PCM1: variants seen among roughly 807,000 people sequenced by gnomAD.
PCM1 encodes pericentriolar material 1 protein.
PCM1 carries 157 observed loss-of-function variants against 241.9 expected under a neutral mutation model. That is an observed-to-expected ratio of 0.65 (90% CI 0.57 to 0.74). The LOEUF is 0.74. PCM1 is among the 30% of genes least tolerant of loss of function. PCM1 has a pLI of 0.00. For missense variants in PCM1, 3,478 were observed against 2,360.1 expected, an observed-to-expected ratio of 1.47 and a Z score of -9.81; for synonymous variants, 1,085 against 784.9, an observed-to-expected ratio of 1.38 and a Z score of -6.39.
Position 17,937,286 on chromosome 8 carries a change from C to G in PCM1, c.249C>G (p.Phe83Leu). The G allele has an allele frequency of 6.2e-7, 1 of 1,609,438 alleles. No individual in the cohort carries two copies. Among genetic ancestry groups the G allele is most frequent in the Admixed American group, 1.7e-5 (1 of 59,694 alleles). The change falls in exon 4 of 39, where the codon TTC (phenylalanine) becomes TTG (leucine). Residue 83 changes from phenylalanine to leucine, a missense_variant. By Grantham distance (22) the Phe-to-Leu change is conservative. Coordinates refer to ENST00000325083, the MANE Select transcript of PCM1 (RefSeq NM_006197.4). ...GAAGAACAAAGACTCCACATACGTT[C>G]CCACACAGTAGATACATGAGTCAGA... ...GRRRTKTPHT[F>L]PHSRYMSQMS... is the part of the protein sequence containing the mutation.
chr8:17,968,228 G>T (rs375917322), intron 21 of PCM1, among the ~76,000 whole-genome samples: 151 of 152,296 alleles, frequency 9.9e-4, no homozygotes, highest in African/African-American at 3.5e-3. Flanking sequence ...TTTAGGGGAA[G>T]AGTAATTGAT....
At chr8:17,960,213 C>A (rs761226310) in intron 14 of PCM1, 48 bp downstream of exon 14, 2 of 1,551,766 alleles carry the variant, frequency 1.3e-6, no homozygotes, top group South Asian at 2.4e-5. Context: ...AATTTAGTGC[C>A]TGTTTTGGAG....
At chr8:17,935,917 A>T (rs1334123786) in intron 3 of PCM1, among the ~76,000 whole-genome samples, 1 of 152,192 alleles carries the variant, frequency 6.6e-6, no homozygotes, top group East Asian at 1.9e-4. Flanking sequence ...ATAAAGATGT[A>T]AAAGTGTTTT....
intron 27 of PCM1, among the ~76,000 whole-genome samples, chr8:17,990,953 T>C (rs939798625): frequency 3.3e-5 from 5 of 152,116 alleles, no homozygotes; most frequent in Admixed American, 3.3e-4. Context: ...AAAATTACTG[T>C]GTGGCCTGCC....
rs747145157 is a variant in PCM1, at chr8:17,991,578, G to A, written c.4568G>A (p.Arg1523Lys). 31 of 1,601,512 alleles carry A rather than the reference G, an allele frequency of 1.9e-5. No individual in the cohort carries two copies. The East Asian group carries it at 6.1e-4, about 31-fold the overall frequency. The stretch of plus-strand genomic sequence containing the variant: ...ATTCACTTAGATCAAGCATTAGCCA[G>A]AATGAGAGAATATGAGCGTATGAAG... Reference protein sequence around the residue: ...TVIHLDQALARMREYERMKTE... With the variant: ...TVIHLDQALAKMREYERMKTE... Residue 1523 changes from arginine to lysine, a missense_variant, in exon 28 of 39, where the codon AGA becomes AAA. Coordinates refer to ENST00000325083, the MANE Select transcript of PCM1 (RefSeq NM_006197.4).
chr8:18,003,721 C>T (rs1160772179), intron 29 of PCM1, among the ~76,000 whole-genome samples: 2 of 151,892 alleles, frequency 1.3e-5, no homozygotes, highest in Admixed American at 6.6e-5. Flanking sequence ...TCAGTTTTAC[C>T]AAGTGTTTTG....
chr8:17,959,121 T>TA (rs2070343136), intron 13 of PCM1, among the ~76,000 whole-genome samples: 2 of 152,232 alleles, frequency 1.3e-5, no homozygotes, highest in Non-Finnish European at 2.9e-5. Context: ...CACCTATTTT[T>TA]AAAAAAATAC....
chr8:18,011,787 C>T lies in PCM1; in HGVS notation c.5471C>T (p.Ala1824Val). 6.2e-7 allele frequency: 1 copy of T among 1,613,586 alleles called. No individual in the cohort carries two copies. Among genetic ancestry groups the T allele is most frequent in the Non-Finnish European group, 8.5e-7 (1 of 1,179,766 alleles). Residue 1824 changes from alanine (A) to valine (V), a missense_variant, in exon 34 of 39, where the codon GCT becomes GTT. Physicochemically the swap from Ala to Val is moderately conservative, Grantham distance 64. Coordinates refer to ENST00000325083, the MANE Select transcript of PCM1 (RefSeq NM_006197.4). ...GTGGATGTCCAGACTTCCCTCCAGGCTAACACTGAAGCTACTGAAGAAAAT... is the reference window on the plus strand; with the variant it reads ...GTGGATGTCCAGACTTCCCTCCAGGTTAACACTGAAGCTACTGAAGAAAAT... ...GPVDVQTSLQANTEATEENEH... is the reference protein window; with the variant it reads ...GPVDVQTSLQVNTEATEENEH...
intron 7 of PCM1, among the ~76,000 whole-genome samples, chr8:17,947,783 T>C (rs1298442164): frequency 6.6e-6 from 1 of 152,228 alleles, no homozygotes; most frequent in Non-Finnish European, 1.5e-5. Flanking sequence ...TAAAGTGTCT[T>C]TAACCTTCAA....
chr8:17,999,903 G>C (rs1406977968), intron 29 of PCM1, among the ~76,000 whole-genome samples: 2 of 152,028 alleles, frequency 1.3e-5, no homozygotes, highest in African/African-American at 4.8e-5. Context: ...TTAATGCCAG[G>C]TTTGGCAGAC....
intron 26 of PCM1, chr8:17,986,352 G>T (rs905583925): frequency 9.0e-6 from 2 of 221,850 alleles, no homozygotes; most frequent in Non-Finnish European, 1.8e-5. Context: ...CCCAGTATAG[G>T]GGCTGACTCT....
intron 36 of PCM1, chr8:18,025,001 T>TGTAA (rs1473527616): frequency 6.0e-6 from 1 of 165,644 alleles, no homozygotes; most frequent in Non-Finnish European, 1.3e-5. Flanking sequence ...CTGAAAAGTT[T>TGTAA]GTAAGTGGTT....
At position 17,991,686 on chromosome 8, in the gene PCM1, T is replaced by C. The variant is rs2084680877; in HGVS notation, c.4676T>C (p.Val1559Ala). ...GATGGTGCTGGTGCAGGTACTACAGTTAATAATTTAGAAGGTATATATTTT... is the reference window on the plus strand; with the variant it reads ...GATGGTGCTGGTGCAGGTACTACAGCTAATAATTTAGAAGGTATATATTTT... ...DGDGAGAGTT[V>A]NNLEETPVIE... Residue 1559 changes from valine (V) to alanine (A), a missense_variant, in exon 28 of 39, where the codon GTT (valine) becomes GCT (alanine). Physicochemically the swap from Val to Ala is moderately conservative, Grantham distance 64 (BLOSUM62 0). Transcript: ENST00000325083. The C allele has an allele frequency of 1.3e-6, 2 of 1,549,434 alleles. No homozygotes were observed. The highest frequency in any genetic ancestry group is 1.7e-6 in the Non-Finnish European group (2 of 1,146,494).
Position 18,011,811 on chromosome 8 carries a change from A to C in PCM1, c.5495A>C (p.Asn1832Thr). The part of the protein sequence containing the change: ...LQANTEATEE[N>T]EHDEQVLQRD... The stretch of plus-strand genomic sequence containing the variant: ...GCTAACACTGAAGCTACTGAAGAAA[A>C]TGAACATGATGAACAGGTATTCCCG... Residue 1832 changes from asparagine (N) to threonine (T), a missense_variant, in exon 34 of 39, where the codon AAT becomes ACT. Transcript: ENST00000325083. 2.5e-6 allele frequency: 4 copies of C among 1,612,852 alleles called. No individual in the cohort carries two copies. The highest frequency in any genetic ancestry group is 2.5e-6 in the Non-Finnish European group (3 of 1,179,548).
intron 15 of PCM1, among the ~76,000 whole-genome samples, chr8:17,961,724 C>G (rs1195126635): frequency 6.6e-6 from 1 of 152,108 alleles, no homozygotes; most frequent in African/African-American, 2.4e-5. Context: ...CTTTTTCTCT[C>G]CTTATCTCCA....
intron 6 of PCM1, among the ~76,000 whole-genome samples, chr8:17,943,651 ACTTT>A (rs1260752661): frequency 1.3e-5 from 2 of 151,466 alleles, no homozygotes; most frequent in Non-Finnish European, 2.9e-5. Flanking sequence ...TTTCATTTTG[ACTTT>A]CTTGATTCTT....
rs2078876124 is a variant in PCM1 at position 17,976,655 on chromosome 8, G to A, written c.3944-3936G>A. ...GCAAGGTCTCCAGAGTGCCATGGCT[G>A]ATCTCTTTCCCTTCAGTGGAGGCTC... is the stretch of plus-strand genomic sequence containing the variant. On this transcript the variant is annotated intron_variant, in intron 23 of 38. Transcript: ENST00000325083. Among the ~76,000 whole-genome samples, 4 of 152,264 alleles carry A rather than the reference G, an allele frequency of 2.6e-5. No homozygotes were observed. The South Asian group carries it at 8.3e-4, about 32-fold the overall frequency.
chr8:17,944,116 T>G (rs1202912082), intron 6 of PCM1, among the ~76,000 whole-genome samples: 1 of 152,194 alleles, frequency 6.6e-6, no homozygotes, highest in Non-Finnish European at 1.5e-5. Context: ...TTATAAGCTT[T>G]CTTTGTACCT....
intron 6 of PCM1, among the ~76,000 whole-genome samples, chr8:17,942,983 C>T (rs1012999421): frequency 6.5e-4 from 83 of 127,268 alleles, no homozygotes; most frequent in Non-Finnish European, 1.7e-4. Context: ...GGTGACAGAA[C>T]GAGACTCTGT....
Sources: allele counts gnomAD v4.1 joint callset (sites outside exome capture counted in the v4.1 genomes callset), GRCh38; gene constraint gnomAD v4.1.1; transcripts MANE v1.5; gene names NCBI Gene and HGNC (gene_info 2026-07-23, HGNC 2026-07-21).